Variants in ACTR3B observed in about 807,000 individuals in gnomAD.
ACTR3B encodes actin-related protein 3B.
Under a neutral mutation model 59.0 loss-of-function variants are expected in ACTR3B, and 8 were observed. That is an observed-to-expected ratio of 0.14 (90% confidence interval 0.08 to 0.24). The LOEUF (loss-of-function observed/expected upper bound fraction) is 0.24, where lower values mean the gene tolerates loss of function less well. Among genes scored for constraint, ACTR3B ranks in the 10% least tolerant of loss-of-function variants. The pLI is 1.00. For missense variants in ACTR3B, 245 were observed against 552.3 expected, an observed-to-expected ratio of 0.44 and a Z score of 5.58; for synonymous variants, 148 against 197.9, an observed-to-expected ratio of 0.75 and a Z score of 2.12.
In ACTR3B at chr7:152,814,772, C is replaced by T. The variant is rs151229707; in HGVS notation, c.432+127C>T. On this transcript the variant is annotated intron_variant, in intron 5 of 11. Coordinates refer to ENST00000256001, the MANE Select transcript of ACTR3B (RefSeq NM_020445.6). The stretch of plus-strand genomic sequence containing the variant: ...CCCTTCCTTTTTCCACTCCCTCCCC[C>T]GTCCCCATGCCATTCAGGACTATAG... 5,979 of 791,140 alleles carry T rather than the reference C, an allele frequency of 7.6e-3. 135 individuals carry two copies. Among genetic ancestry groups the T allele is most frequent in the African/African-American group, 0.06 (3,424 of 57,060 alleles). 49.0% of individuals were successfully genotyped at this position (791,140 alleles called of 1,614,324 possible).
In ACTR3B at chr7:152,820,163, G is replaced by A. The variant is rs2116851996; in HGVS notation, c.541-136G>A. 2.0e-6 allele frequency: 3 copies of A among 1,475,298 alleles called. 1 individual carries two copies. The Middle Eastern group carries it at 5.6e-4, about 274-fold the overall frequency. The allele number at this position is 1,475,298 out of a possible 1,614,324, so 91.4% of individuals were successfully genotyped here. The stretch of plus-strand genomic sequence containing the variant: ...AGACCTTCTGTACTGAGCTTGCAGA[G>A]GGTGGGGATTATGTAAATGCTTGTC... On this transcript the variant is annotated intron_variant, in intron 6 of 11. Transcript: ENST00000256001.
At chr7:152,820,614 C>T (rs1326352286) in intron 7 of ACTR3B, among the ~76,000 whole-genome samples, 172 bp downstream of exon 7, 1 of 152,174 alleles carries the variant, frequency 6.6e-6, no homozygotes, top group Admixed American at 6.5e-5. Context: ...AGCTTAACCT[C>T]TTCCAAACTA....
intron 9 of ACTR3B, among the ~76,000 whole-genome samples, chr7:152,833,594 G>A (rs1414165289): frequency 1.3e-5 from 2 of 152,140 alleles, no homozygotes; most frequent in Non-Finnish European, 1.5e-5. Context: ...GGCACTGTGT[G>A]TCTGTTAAAT....
chr7:152,798,521 A>T (rs1455041390), intron 2 of ACTR3B, among the ~76,000 whole-genome samples: 2 of 152,198 alleles, frequency 1.3e-5, no homozygotes, highest in Non-Finnish European at 2.9e-5. Flanking sequence ...GCTGTGCAGA[A>T]GATTTTTAGT....
intron 9 of ACTR3B, among the ~76,000 whole-genome samples, chr7:152,848,428 G>C (rs888299088): frequency 6.6e-6 from 1 of 152,222 alleles, no homozygotes; most frequent in Admixed American, 6.5e-5. Context: ...GGAGTTGTCT[G>C]TGGTGGGCTT....
At chr7:152,845,933 C>G (rs1489892349) in intron 9 of ACTR3B, among the ~76,000 whole-genome samples, 1 of 152,210 alleles carries the variant, frequency 6.6e-6, no homozygotes, top group Admixed American at 6.5e-5. Context: ...AATAGAATTG[C>G]TTTTTAGAAG....
At chr7:152,852,867 T>C (rs571309581) in intron 10 of ACTR3B, among the ~76,000 whole-genome samples, 28 of 151,636 alleles carry the variant, frequency 1.8e-4, no homozygotes, top group Admixed American at 3.9e-4. Flanking sequence ...TCTCGGCTCA[T>C]AGCAAGCTCT....
At chr7:152,830,429 A>G (rs929471600) in intron 9 of ACTR3B, among the ~76,000 whole-genome samples, 2 of 152,272 alleles carry the variant, frequency 1.3e-5, no homozygotes, top group African/African-American at 2.4e-5. Flanking sequence ...ACATCCTGCT[A>G]TAGCAAAGGG....
chr7:152,777,026 G>T lies in ACTR3B; in HGVS notation c.45-6161G>T, dbSNP rs543005443. Among the ~76,000 whole-genome samples the T allele has an allele frequency of 1.4e-3, 207 of 152,224 alleles. 2 individuals carry two copies. The highest frequency in any genetic ancestry group is 4.7e-3 in the African/African-American group (197 of 41,546). On this transcript the variant is annotated intron_variant, in intron 1 of 11. Transcript: ENST00000256001. ...TTATAGTGCTTCACCGAACATTTTTGTGTGTGTATATCTTTGCATACATGT... is the reference window on the plus strand; with the variant it reads ...TTATAGTGCTTCACCGAACATTTTTTTGTGTGTATATCTTTGCATACATGT...
intron 9 of ACTR3B, among the ~76,000 whole-genome samples, chr7:152,848,118 A>G (rs1340920443): frequency 6.6e-6 from 1 of 152,240 alleles, no homozygotes; most frequent in Non-Finnish European, 1.5e-5. Flanking sequence ...GAGATGAGGC[A>G]GCAGGTGTGC....
At chr7:152,768,051 T>A (rs1225280093) in intron 1 of ACTR3B, among the ~76,000 whole-genome samples, 2 of 152,180 alleles carry the variant, frequency 1.3e-5, no homozygotes, top group African/African-American at 2.4e-5. Flanking sequence ...CAAAACCCTG[T>A]CTCTTCTAAA....
chr7:152,787,506 A>G (rs2098178524), intron 2 of ACTR3B, among the ~76,000 whole-genome samples: 1 of 151,792 alleles, frequency 6.6e-6, no homozygotes, highest in African/African-American at 2.4e-5. Context: ...TAAAAAATGC[A>G]TTTCTACTCC....
At chr7:152,834,993 TCTG>T (rs1198023330) in intron 9 of ACTR3B, among the ~76,000 whole-genome samples, 2 of 152,084 alleles carry the variant, frequency 1.3e-5, no homozygotes, top group African/African-American at 4.8e-5. Context: ...ATCCAGGAGA[TCTG>T]CTGATTTCTC....
At chr7:152,765,132 C>CTTTTT (rs199758067) in intron 1 of ACTR3B, among the ~76,000 whole-genome samples, 1,085 of 99,048 alleles carry the variant, frequency 0.011, 41 homozygotes, top group Middle Eastern at 0.017. Flanking sequence ...TTTTTTTTTT[C>CTTTTT]CGGAGACAGA....
chr7:152,850,421 A>C (rs1434082961), intron 9 of ACTR3B, among the ~76,000 whole-genome samples: 1 of 151,308 alleles, frequency 6.6e-6, no homozygotes, highest in African/African-American at 2.4e-5. Context: ...TTCTCCAGGT[A>C]GGAGGCCAGA....
intron 1 of ACTR3B, among the ~76,000 whole-genome samples, chr7:152,771,033 G>A (rs939370199): frequency 3.3e-5 from 5 of 149,938 alleles, no homozygotes; most frequent in Admixed American, 6.6e-5. Context: ...GCTTGATCTC[G>A]GCTTACTGCA....
intron 9 of ACTR3B, among the ~76,000 whole-genome samples, chr7:152,846,603 G>A (rs1191912900): frequency 7.0e-6 from 1 of 142,868 alleles, no homozygotes; most frequent in Non-Finnish European, 1.5e-5. Flanking sequence ...TCTGCAGTGA[G>A]CCCCAGCGCC....
At position 152,790,536 on chromosome 7, in the gene ACTR3B, T is replaced by C. The variant is rs975650071; in HGVS notation, c.100+7294T>C. Among the ~76,000 whole-genome samples the C allele has an allele frequency of 1.2e-4, 19 of 152,060 alleles. 1 individual carries two copies. Among genetic ancestry groups the C allele is most frequent in the East Asian group, 1.2e-3 (6 of 5,202 alleles). On this transcript the variant is annotated intron_variant, in intron 2 of 11. Transcript: ENST00000256001. ...TCCTACTTGGCTATGAAATATGAAG[T>C]ACATGCTGAACTGTAATTGCAAATA...
chr7:152,780,519 C>T (rs1359535199), intron 1 of ACTR3B, among the ~76,000 whole-genome samples: 1 of 151,870 alleles, frequency 6.6e-6, no homozygotes, highest in East Asian at 1.9e-4. Flanking sequence ...TCTGAACATT[C>T]CAGCAGCTGT....
Sources: gnomAD v4.1 joint callset for allele counts (sites outside exome capture counted in the v4.1 genomes callset) on GRCh38, gnomAD v4.1.1 for gene constraint, MANE v1.5 for transcripts, NCBI Gene and HGNC (gene_info 2026-07-23, HGNC 2026-07-21) for gene names.